Variants in VPS53 observed in about 807,000 individuals in gnomAD.
VPS53 encodes vacuolar protein sorting-associated protein 53 homolog.
In VPS53, 70 loss-of-function variants were observed where a neutral mutation model predicts 107.0. The ratio of observed to expected loss-of-function variants is 0.65; its 90% CI spans 0.54 to 0.80. VPS53 has a LOEUF of 0.80. Among genes scored for constraint, VPS53 ranks in the 30% least tolerant of loss-of-function variants. The probability of loss-of-function intolerance (pLI) is 0.00; values close to 1 mark genes in which losing one functional copy is unlikely to be tolerated. For missense variants in VPS53, 917 were observed against 1,049.4 expected (o/e 0.87, Z 1.74); for synonymous variants, 409 against 393.3 (o/e 1.04, Z -0.47).
At chr17:632,833 T>G (rs752150716) in intron 7 of VPS53, 2 of 452,948 alleles carry the variant, frequency 4.4e-6, no homozygotes, top group South Asian at 3.1e-5. Flanking sequence ...CTGCAGTGTT[T>G]TGGGTTTCCT....
chr17:532,231 A>G (rs544929270), intron 19 of VPS53: 3 of 151,756 alleles, frequency 2.0e-5, no homozygotes, highest in Middle Eastern at 3.4e-3. Context: ...TACAGACGTG[A>G]GCCACCATGC....
intron 2 of VPS53, among the ~76,000 whole-genome samples, chr17:699,712 C>A (rs989980612): frequency 3.9e-5 from 6 of 152,222 alleles, no homozygotes; most frequent in Admixed American, 3.3e-4. Flanking sequence ...TATTTACTAT[C>A]TGGACCTTTA....
At chr17:529,847 G>C (rs973929239) in intron 19 of VPS53, among the ~76,000 whole-genome samples, 2 of 150,832 alleles carry the variant, frequency 1.3e-5, no homozygotes, top group East Asian at 3.9e-4. Flanking sequence ...GGGAGACACA[G>C]GGAGGCAGAC....
rs774269828 is a variant in VPS53, at chr17:659,526, C to G, written c.372+2283G>C. Among the ~76,000 whole-genome samples the G allele has an allele frequency of 8.5e-5, 13 of 152,280 alleles. No individual in the cohort carries two copies. The South Asian group carries it at 1.0e-3, about 12-fold the overall frequency. ...GAACTCCTGGCCTCAAGTGATCCCC[C>G]CTCCTTGGCCTCCCAAACTGCTGGG... On this transcript the variant is annotated intron_variant, in intron 5 of 21. Transcript: ENST00000437048.
At chr17:679,243 C>T (rs1003810122) in intron 4 of VPS53, among the ~76,000 whole-genome samples, 3 of 151,920 alleles carry the variant, frequency 2.0e-5, no homozygotes, top group African/African-American at 4.8e-5. Context: ...AGGCCAGATG[C>T]GGTGGCTCAC....
chr17:616,196 G>A (rs1168992673), intron 11 of VPS53: 3 of 152,242 alleles, frequency 2.0e-5, no homozygotes, highest in African/African-American at 7.2e-5. Context: ...TTGGAATGCA[G>A]AATAACTGCC....
At chr17:664,268 C>T (rs962962900) in intron 4 of VPS53, among the ~76,000 whole-genome samples, 1 of 151,958 alleles carries the variant, frequency 6.6e-6, no homozygotes, top group East Asian at 1.9e-4. Flanking sequence ...TTAGTAGAGA[C>T]GGGGTTTCAC....
At chr17:521,221 G>C (rs1225903745) in intron 20 of VPS53, among the ~76,000 whole-genome samples, 1 of 152,180 alleles carries the variant, frequency 6.6e-6, no homozygotes, top group Non-Finnish European at 1.5e-5. Flanking sequence ...ATTTAAAGTG[G>C]CAGAGTACAG....
intron 4 of VPS53, among the ~76,000 whole-genome samples, chr17:693,049 G>A (rs569333917): frequency 1.6e-4 from 25 of 152,222 alleles, no homozygotes; most frequent in African/African-American, 5.1e-4. Flanking sequence ...CAGGAGAGTC[G>A]CTTGAACCCA....
intron 15 of VPS53, among the ~76,000 whole-genome samples, chr17:555,219 G>A (rs183829079): frequency 4.6e-5 from 7 of 152,342 alleles, no homozygotes; most frequent in Admixed American, 3.9e-4. Flanking sequence ...CTAGGCTTCA[G>A]TTACACTGGC....
At chr17:537,323 T>A in intron 17 of VPS53, 147 bp from the exon 18 acceptor site, 1 of 905,000 alleles carries the variant, frequency 1.1e-6, no homozygotes, top group Non-Finnish European at 1.6e-6. Context: ...AGTTTCTTAT[T>A]CGTTCTGTAG....
At chr17:561,431 T>TA (rs1273295366) in intron 14 of VPS53, among the ~76,000 whole-genome samples, 2 of 152,148 alleles carry the variant, frequency 1.3e-5, no homozygotes, top group African/African-American at 4.8e-5. Context: ...TGCTGACTAA[T>TA]ACACGTGGGA....
intron 7 of VPS53, among the ~76,000 whole-genome samples, chr17:652,919 A>T (rs978523295): frequency 2.0e-5 from 3 of 152,242 alleles, no homozygotes; most frequent in African/African-American, 7.2e-5. Context: ...TAGATCAGGT[A>T]GCATCTGATA....
intron 11 of VPS53, among the ~76,000 whole-genome samples, chr17:614,071 C>T (rs9892537): frequency 6.6e-6 from 1 of 152,168 alleles, no homozygotes; most frequent in Non-Finnish European, 1.5e-5. Context: ...CAACAGGCAT[C>T]CGTAAAGACA....
chr17:681,383 C>A (rs1972388432), intron 4 of VPS53, among the ~76,000 whole-genome samples: 1 of 152,236 alleles, frequency 6.6e-6, no homozygotes, highest in Admixed American at 6.5e-5. Flanking sequence ...GATCTGCCTG[C>A]CTCAGCCTCC....
At chr17:644,500 C>T (rs573618475) in intron 7 of VPS53, among the ~76,000 whole-genome samples, 7 of 152,174 alleles carry the variant, frequency 4.6e-5, no homozygotes, top group South Asian at 2.1e-4. Context: ...TTTTCTCAAA[C>T]GTTTAGTACC....
chr17:647,149 T>C (rs1023589758), intron 7 of VPS53, among the ~76,000 whole-genome samples: 1 of 152,214 alleles, frequency 6.6e-6, no homozygotes, highest in Non-Finnish European at 1.5e-5. Flanking sequence ...TACTGTCACG[T>C]TGGTAAGATC....
In VPS53 at chr17:587,561, G is replaced by A. The variant is rs374069358; in HGVS notation, c.1219-1197C>T. 2.8e-4 allele frequency among the ~76,000 whole-genome samples: 42 copies of A among 152,238 alleles called. No homozygotes were observed. The East Asian group carries it at 7.7e-3, about 28-fold the overall frequency. ...CTAGATGAGCGCTGGTTCCCAGGCT[G>A]TTACTTGGAAGCCACTGATAAAGAA... On this transcript the variant is annotated intron_variant, in intron 12 of 21. Coordinates refer to ENST00000437048, the MANE Select transcript of VPS53 (RefSeq NM_001128159.3).
At chr17:664,174 G>C (rs891540688) in intron 4 of VPS53, among the ~76,000 whole-genome samples, 2 of 152,098 alleles carry the variant, frequency 1.3e-5, no homozygotes, top group Non-Finnish European at 2.9e-5. Flanking sequence ...TGCCTCCCAG[G>C]TTCAAGCAAT....
Sources: allele counts gnomAD v4.1 joint callset (sites outside exome capture counted in the v4.1 genomes callset), GRCh38; gene constraint gnomAD v4.1.1; transcripts MANE v1.5; gene names NCBI Gene and HGNC (gene_info 2026-07-23, HGNC 2026-07-21).